The following SOX5 variants were observed in gnomAD, a reference collection of about 807,000 sequenced individuals.
SOX5 encodes the protein SRY-box transcription factor 5.
Under a neutral mutation model 92.0 loss-of-function variants are expected in SOX5, and 9 were observed. The observed-to-expected ratio is 0.10, with a 90% CI of 0.06 to 0.17. The LOEUF (loss-of-function observed/expected upper bound fraction) is 0.17. SOX5 is among the 10% of genes least tolerant of loss of function. The probability of loss-of-function intolerance (pLI) is 1.00; values close to 1 mark genes in which losing one functional copy is unlikely to be tolerated. For synonymous variants in SOX5, 344 were observed against 336.3 expected, an observed-to-expected ratio of 1.02 and a Z score of -0.25; for missense variants, 642 against 944.5, an observed-to-expected ratio of 0.68 and a Z score of 4.20.
chr12:24,147,718 A>C (rs1401781790), intron 4 of SOX5, among the ~76,000 whole-genome samples: 1 of 152,232 alleles, frequency 6.6e-6, no homozygotes, highest in African/African-American at 2.4e-5. Flanking sequence ...AGAGGGCTGC[A>C]GAATGTAAGA....
chr12:24,491,761 G>A (rs1947103875), intron 1 of SOX5, among the ~76,000 whole-genome samples: 1 of 152,106 alleles, frequency 6.6e-6, no homozygotes, highest in African/African-American at 2.4e-5. Context: ...TGTATGTAGT[G>A]GAACTCAGTC....
Position 23,949,507 on chromosome 12 carries a change from T to C in SOX5, c.38+57A>G. On this transcript the variant is annotated intron_variant, in intron 1 of 14. Transcript: ENST00000451604. ...GAGCATCTTCCAATGATTCAGAGACTACTGTAAAATGGGAGAGTTGTACTT... is the reference window on the plus strand; with the variant it reads ...GAGCATCTTCCAATGATTCAGAGACCACTGTAAAATGGGAGAGTTGTACTT... The C allele has an allele frequency of 1.9e-6, 3 of 1,600,920 alleles. No individual in the cohort carries two copies. The South Asian group carries it at 3.3e-5, about 18-fold the overall frequency.
At position 24,334,389 on chromosome 12, in the gene SOX5, A is replaced by G. The variant is rs750048789; in HGVS notation, c.-174+34174T>C. ...ATATTCTATATCCCCCAAAAAATAAACAAAGGATGTGAACAGAAAATTCAC... is the reference window on the plus strand; with the variant it reads ...ATATTCTATATCCCCCAAAAAATAAGCAAAGGATGTGAACAGAAAATTCAC... On this transcript the variant is annotated intron_variant, in intron 2 of 4. Coordinates refer to the SOX5 transcript ENST00000446891. Among the ~76,000 whole-genome samples the G allele has an allele frequency of 1.0e-3, 155 of 152,174 alleles. 1 individual carries two copies. The highest frequency in any genetic ancestry group is 1.3e-3 in the Non-Finnish European group (90 of 67,996).
chr12:24,260,371 T>C (rs539566487), intron 3 of SOX5, among the ~76,000 whole-genome samples: 2 of 152,348 alleles, frequency 1.3e-5, no homozygotes, highest in African/African-American at 4.8e-5. Context: ...CTTGGTAGAA[T>C]ATCATAGGAT....
chr12:24,441,838 C>T (rs980048451), intron 1 of SOX5, among the ~76,000 whole-genome samples: 2 of 152,040 alleles, frequency 1.3e-5, no homozygotes, highest in Non-Finnish European at 2.9e-5. Flanking sequence ...TGGAACGGCA[C>T]TCTGCATGTA....
intron 6 of SOX5, among the ~76,000 whole-genome samples, chr12:23,718,122 C>T (rs2092614981): frequency 6.6e-6 from 1 of 151,704 alleles, no homozygotes; most frequent in African/African-American, 2.4e-5. Flanking sequence ...AAAAATCAAG[C>T]CATAAATATG....
chr12:23,547,093 T>C (rs1943282012), intron 11 of SOX5, among the ~76,000 whole-genome samples: 1 of 152,162 alleles, frequency 6.6e-6, no homozygotes, highest in African/African-American at 2.4e-5. Context: ...CATCAAGTTG[T>C]TTAAGCATGC....
At chr12:24,134,406 A>G (rs1949931231) in intron 4 of SOX5, among the ~76,000 whole-genome samples, 1 of 152,222 alleles carries the variant, frequency 6.6e-6, no homozygotes, top group African/African-American at 2.4e-5. Context: ...TTCAGAAGAA[A>G]GTGGCTTAAC....
chr12:24,171,191 TATTTCATTGGCCAACAG>T, intron 4 of SOX5, among the ~76,000 whole-genome samples: 1 of 147,856 alleles, frequency 6.8e-6, no homozygotes, highest in Non-Finnish European at 1.5e-5. Context: ...TTTTTTCTTT[TATTTCATTGGCCAACAG>T]TTTTTTTTGT....
At chr12:24,242,566 T>A (rs1003922573) in intron 3 of SOX5, among the ~76,000 whole-genome samples, 5 of 152,214 alleles carry the variant, frequency 3.3e-5, no homozygotes, top group Non-Finnish European at 7.3e-5. Flanking sequence ...TTATTTTCTC[T>A]TCTTAAACTA....
At chr12:24,478,417 C>T (rs1398539047) in intron 1 of SOX5, among the ~76,000 whole-genome samples, 2 of 152,172 alleles carry the variant, frequency 1.3e-5, no homozygotes, top group Non-Finnish European at 2.9e-5. Flanking sequence ...TTCATCAGAA[C>T]ACTGCAATGT....
intron 10 of SOX5, among the ~76,000 whole-genome samples, chr12:23,574,843 T>C (rs79100815): frequency 0.025 from 3,739 of 152,256 alleles, 155 homozygotes; most frequent in African/African-American, 0.085. Context: ...AACTCATACT[T>C]TTCTGTAGTC....
chr12:24,229,757 G>A (rs1218532531), intron 3 of SOX5, among the ~76,000 whole-genome samples: 2 of 152,194 alleles, frequency 1.3e-5, no homozygotes, highest in Non-Finnish European at 2.9e-5. Context: ...AGTTGCTATG[G>A]ATGGTTGTGA....
intron 1 of SOX5, among the ~76,000 whole-genome samples, chr12:23,922,218 C>T (rs948805913): frequency 6.6e-6 from 1 of 152,054 alleles, no homozygotes; most frequent in Non-Finnish European, 1.5e-5. Flanking sequence ...GTTGCCAATA[C>T]AGCTTCCTGT....
At chr12:23,997,116 T>C (rs1369289330) in intron 4 of SOX5, among the ~76,000 whole-genome samples, 1 of 152,066 alleles carries the variant, frequency 6.6e-6, no homozygotes, top group East Asian at 1.9e-4. Flanking sequence ...ATTAAAGACA[T>C]AGAAAAAAAT....
intron 4 of SOX5, among the ~76,000 whole-genome samples, chr12:24,037,321 C>A (rs1268632287): frequency 6.6e-6 from 1 of 152,094 alleles, no homozygotes; most frequent in Non-Finnish European, 1.5e-5. Flanking sequence ...CAGACATTCA[C>A]CCCCTTGGAG....
chr12:24,177,674 A>G (rs908836586), intron 4 of SOX5, among the ~76,000 whole-genome samples: 5 of 152,242 alleles, frequency 3.3e-5, no homozygotes, highest in Non-Finnish European at 7.3e-5. Flanking sequence ...ATAATGGTAT[A>G]AAATTTTAGC....
intron 9 of SOX5, among the ~76,000 whole-genome samples, chr12:23,588,379 C>T (rs1443848452): frequency 6.6e-6 from 1 of 151,856 alleles, no homozygotes; most frequent in Non-Finnish European, 1.5e-5. Context: ...TGTCATAAAG[C>T]ATGAGGAATT....
intron 4 of SOX5, among the ~76,000 whole-genome samples, chr12:24,073,858 A>G (rs1942129056): frequency 6.6e-6 from 1 of 152,218 alleles, no homozygotes; most frequent in Non-Finnish European, 1.5e-5. Context: ...GAAAGAATAG[A>G]CAATAAATTT....
Sources: allele counts gnomAD v4.1 joint callset (sites outside exome capture counted in the v4.1 genomes callset), GRCh38; gene constraint gnomAD v4.1.1; transcripts MANE v1.5; gene names NCBI Gene and HGNC (gene_info 2026-07-23, HGNC 2026-07-21).